POLR3B: variants seen among roughly 807,000 people sequenced by gnomAD.
POLR3B encodes the protein RNA polymerase III subunit B.
In POLR3B, 96 loss-of-function variants were observed where a neutral mutation model predicts 147.4. The ratio of observed to expected loss-of-function variants is 0.65; its 90% CI spans 0.55 to 0.77. The LOEUF (loss-of-function observed/expected upper bound fraction) is 0.77, where lower values mean the gene tolerates loss of function less well. Ranked by LOEUF, POLR3B falls within the 30% of genes least tolerant of loss-of-function variation. The pLI, the probability that POLR3B is intolerant of heterozygous loss-of-function variation, is 0.00. For synonymous variants in POLR3B, 461 were observed against 485.9 expected, an observed-to-expected ratio of 0.95 and a Z score of 0.67; for missense variants, 1,036 against 1,413.5, an observed-to-expected ratio of 0.73 and a Z score of 4.28.
rs1216242348 is a variant in POLR3B at position 106,359,884 on chromosome 12, G to A, written c.72+1933G>A. 4.6e-5 allele frequency among the ~76,000 whole-genome samples: 7 copies of A among 152,284 alleles called. No homozygotes were observed. The East Asian group carries it at 1.2e-3, about 25-fold the overall frequency. On this transcript the variant is annotated intron_variant, in intron 1 of 27. Coordinates refer to ENST00000228347, the MANE Select transcript of POLR3B (RefSeq NM_018082.6). Reference sequence around the variant, plus strand: ...CTGACTCGAGTCTTCATCCCTAACTGCTATCGGACCGCTTCTCCAGAGAGC... The same window carrying A: ...CTGACTCGAGTCTTCATCCCTAACTACTATCGGACCGCTTCTCCAGAGAGC...
At chr12:106,402,536 C>T (rs1156302193) in intron 10 of POLR3B, among the ~76,000 whole-genome samples, 2 of 152,198 alleles carry the variant, frequency 1.3e-5, no homozygotes, top group Non-Finnish European at 2.9e-5. Flanking sequence ...AAGCTGGAGG[C>T]ATCACGCTAC....
At chr12:106,462,843 G>A (rs1193308644) in intron 22 of POLR3B, among the ~76,000 whole-genome samples, 2 of 152,136 alleles carry the variant, frequency 1.3e-5, no homozygotes, top group East Asian at 3.9e-4. Flanking sequence ...GGGCTTGACA[G>A]CTTGCCACTT....
chr12:106,500,664 G>T (rs774438785), intron 25 of POLR3B, among the ~76,000 whole-genome samples: 1 of 152,192 alleles, frequency 6.6e-6, no homozygotes, highest in Non-Finnish European at 1.5e-5. Context: ...CCTGGCGGGA[G>T]AGTGTTTCAG....
intron 19 of POLR3B, among the ~76,000 whole-genome samples, chr12:106,450,937 G>A (rs528281725): frequency 5.3e-5 from 8 of 152,236 alleles, no homozygotes; most frequent in African/African-American, 7.2e-5. Context: ...ACTGCGAAAC[G>A]ATGCAAATAT....
chr12:106,430,529 ATGGGG>A, intron 14 of POLR3B, 56 bp downstream of exon 14: 2 of 1,415,856 alleles, frequency 1.4e-6, no homozygotes, highest in Non-Finnish European at 2.0e-6. Context: ...ATGTCTGTGC[ATGGGG>A]TGGGGTGGGG....
chr12:106,434,708 A>T (rs948204150), intron 16 of POLR3B, among the ~76,000 whole-genome samples: 1 of 152,136 alleles, frequency 6.6e-6, no homozygotes, highest in Admixed American at 6.5e-5. Context: ...GTAGTGTTGA[A>T]GCACAAGGCA....
At chr12:106,358,613 A>G (rs1316086610) in intron 1 of POLR3B, among the ~76,000 whole-genome samples, 1 of 152,176 alleles carries the variant, frequency 6.6e-6, no homozygotes, top group African/African-American at 2.4e-5. Flanking sequence ...CTGAGCCTCA[A>G]AATCTACACT....
chr12:106,479,344 C>G (rs912374081), intron 23 of POLR3B, among the ~76,000 whole-genome samples: 2 of 150,974 alleles, frequency 1.3e-5, no homozygotes, highest in Non-Finnish European at 2.9e-5. Flanking sequence ...TTTTAAATTT[C>G]TAATTAAATG....
intron 4 of POLR3B, among the ~76,000 whole-genome samples, chr12:106,369,041 T>G (rs939506117): frequency 1.3e-5 from 2 of 152,214 alleles, no homozygotes; most frequent in Non-Finnish European, 2.9e-5. Flanking sequence ...TCCAGTATTT[T>G]TGTAAAGAGA....
chr12:106,437,702 T>TG lies in POLR3B; in HGVS notation c.1879dup (p.Glu627GlyfsTer5). On this transcript the variant is annotated frameshift_variant, in exon 18 of 28. Transcript: ENST00000228347. LOFTEE classifies it high-confidence loss of function. ...CCAGGAATTTTGAAGATTTCTTACA[T>TG]GAGAGTCTGGTTGAATATTTAGATG... 1 of 1,594,444 alleles carries TG rather than the reference T, an allele frequency of 6.3e-7. No homozygotes were observed. Among genetic ancestry groups the TG allele is most frequent in the Non-Finnish European group, 8.6e-7 (1 of 1,162,296 alleles).
In POLR3B at chr12:106,401,903, G is replaced by A. The variant is rs1048027391; in HGVS notation, c.847-3954G>A. On this transcript the variant is annotated intron_variant, in intron 10 of 27. Coordinates refer to ENST00000228347, the MANE Select transcript of POLR3B (RefSeq NM_018082.6). ...AGCATTCCCTTTGAAAACTGGCACA[G>A]GACAGGGATGCCCTCTCTCACCACT... Among the ~76,000 whole-genome samples, 187 of 152,168 alleles carry A rather than the reference G, an allele frequency of 1.2e-3. 2 individuals are homozygous for A. The highest frequency in any genetic ancestry group is 4.0e-3 in the African/African-American group (166 of 41,520).
intron 23 of POLR3B, among the ~76,000 whole-genome samples, chr12:106,467,966 T>TA (rs1565905553): frequency 2.0e-5 from 3 of 152,212 alleles, no homozygotes. Context: ...GCTGGCCTCA[T>TA]AAAATGAGTT....
rs531206642 is a variant in POLR3B at position 106,378,455 on chromosome 12, A to G, written c.614+71A>G. The G allele has an allele frequency of 6.8e-6, 6 of 884,602 alleles. No individual in the cohort carries two copies. The African/African-American group carries it at 9.9e-5, about 15-fold the overall frequency. The allele number at this position is 884,602 out of a possible 1,614,324, so 54.8% of individuals were successfully genotyped here. A position where few individuals can be genotyped will look rare whatever the true frequency, so the allele number is the denominator to read the frequency against. ...ATTAGTCCTAAATGGCTATGTTTCA[A>G]TACAGAGGGAGCCAGTTATTACCCT... On this transcript the variant is annotated intron_variant, in intron 8 of 27. Coordinates refer to ENST00000228347, the MANE Select transcript of POLR3B (RefSeq NM_018082.6).
chr12:106,368,757 T>C (rs921865379), intron 4 of POLR3B, among the ~76,000 whole-genome samples: 2 of 152,158 alleles, frequency 1.3e-5, no homozygotes, highest in African/African-American at 2.4e-5. Context: ...AGAGTTAGAC[T>C]TGCACAAAAA....
chr12:106,385,690 G>T (rs2036826419), intron 9 of POLR3B, among the ~76,000 whole-genome samples: 1 of 152,188 alleles, frequency 6.6e-6, no homozygotes, highest in Non-Finnish European at 1.5e-5. Context: ...ATTGGTAAGA[G>T]TATTCATAAG....
At chr12:106,369,426 A>G (rs961688041) in intron 5 of POLR3B, 76 bp downstream of exon 5, 2 of 996,218 alleles carry the variant, frequency 2.0e-6, no homozygotes, top group South Asian at 2.5e-5. Context: ...CTCTTAAAAG[A>G]TCATTTAAAA....
intron 6 of POLR3B, among the ~76,000 whole-genome samples, chr12:106,372,314 C>G (rs563237829): frequency 6.8e-6 from 1 of 146,652 alleles, no homozygotes; most frequent in African/African-American, 2.5e-5. Context: ...ACATCCATAA[C>G]TTTATTTTGT....
intron 23 of POLR3B, among the ~76,000 whole-genome samples, chr12:106,484,264 C>T (rs1351370631): frequency 2.6e-5 from 4 of 152,112 alleles, no homozygotes; most frequent in African/African-American, 9.7e-5. Context: ...TAAACGATGG[C>T]ACCAATCACA....
intron 1 of POLR3B, 200 bp downstream of exon 1, chr12:106,358,151 A>G (rs2036415809): frequency 4.1e-6 from 6 of 1,451,432 alleles, no homozygotes; most frequent in Non-Finnish European, 5.4e-6. Context: ...CTGATCCCAG[A>G]GGAGCTGTCA....
Sources: gnomAD v4.1 joint callset for allele counts (sites outside exome capture counted in the v4.1 genomes callset) on GRCh38, gnomAD v4.1.1 for gene constraint, MANE v1.5 for transcripts, NCBI Gene and HGNC (gene_info 2026-07-23, HGNC 2026-07-21) for gene names.